DLGAP1: variants seen among roughly 807,000 people sequenced by gnomAD.
The protein encoded by DLGAP1 is DLG associated protein 1.
Under a neutral mutation model 90.8 loss-of-function variants are expected in DLGAP1, and 11 were observed. The observed-to-expected ratio is 0.12, with a 90% CI of 0.08 to 0.20. The LOEUF (loss-of-function observed/expected upper bound fraction) is 0.20, where lower values mean the gene tolerates loss of function less well. DLGAP1 is among the 10% of genes least tolerant of loss of function. The pLI is 1.00. For missense variants in DLGAP1, 1,050 were observed against 1,333.8 expected (o/e 0.79, Z 3.31); for synonymous variants, 558 against 540.7 (o/e 1.03, Z -0.44).
At chr18:3,706,829 C>T (rs996212817) in intron 7 of DLGAP1, among the ~76,000 whole-genome samples, 1 of 151,822 alleles carries the variant, frequency 6.6e-6, no homozygotes, top group Non-Finnish European at 1.5e-5. Flanking sequence ...AGCACACAGC[C>T]CTAAACTAAT....
chr18:3,614,742 G>C (rs907319441), intron 7 of DLGAP1, among the ~76,000 whole-genome samples: 11 of 147,782 alleles, frequency 7.4e-5, no homozygotes, highest in African/African-American at 2.7e-4. Flanking sequence ...TCCCAGTTTC[G>C]GGAGCCTGAG....
chr18:3,971,132 C>G (rs2073440796), intron 3 of DLGAP1, among the ~76,000 whole-genome samples: 1 of 152,212 alleles, frequency 6.6e-6, no homozygotes, highest in Non-Finnish European at 1.5e-5. Flanking sequence ...ACAGCACAAC[C>G]TCAAGGTCGC....
At chr18:4,156,588 A>G (rs960367678) in intron 1 of DLGAP1, among the ~76,000 whole-genome samples, 1 of 152,182 alleles carries the variant, frequency 6.6e-6, no homozygotes, top group Non-Finnish European at 1.5e-5. Flanking sequence ...TCTCCTGATA[A>G]AATGTTGATA....
intron 1 of DLGAP1, among the ~76,000 whole-genome samples, chr18:4,208,414 A>G (rs939495386): frequency 1.3e-5 from 2 of 152,254 alleles, no homozygotes; most frequent in African/African-American, 4.8e-5. Flanking sequence ...TTTTACACAC[A>G]TTAAAACACT....
chr18:4,175,264 G>A (rs1186818872), intron 1 of DLGAP1, among the ~76,000 whole-genome samples: 1 of 152,030 alleles, frequency 6.6e-6, no homozygotes, highest in African/African-American at 2.4e-5. Flanking sequence ...TTTTGATGGG[G>A]TTGTTTTTTT....
chr18:3,897,699 A>G (rs2071660818), intron 3 of DLGAP1, among the ~76,000 whole-genome samples: 1 of 151,832 alleles, frequency 6.6e-6, no homozygotes, highest in Admixed American at 6.6e-5. Flanking sequence ...AAGAGGAAGT[A>G]TAGTAAAATT....
chr18:4,147,791 A>G (rs28655542), intron 2 of DLGAP1, among the ~76,000 whole-genome samples: 40,764 of 152,046 alleles, frequency 0.27, 5,561 homozygotes, highest in East Asian at 0.41. Context: ...CCTACTCACA[A>G]TGGTGATGTT....
intron 1 of DLGAP1, among the ~76,000 whole-genome samples, chr18:4,168,702 A>C (rs2076974341): frequency 6.6e-6 from 1 of 152,216 alleles, no homozygotes. Flanking sequence ...TTCAAGGTTC[A>C]TCCATATTTA....
intron 7 of DLGAP1, among the ~76,000 whole-genome samples, chr18:3,714,337 T>C (rs568183544): frequency 1.3e-5 from 2 of 150,610 alleles, no homozygotes; most frequent in South Asian, 2.2e-4. Flanking sequence ...GAATAGTCCA[T>C]TGTTTCTCAA....
chr18:3,817,521 G>A (rs3862174), intron 4 of DLGAP1, among the ~76,000 whole-genome samples: 115,486 of 151,858 alleles, frequency 0.76, 44,155 homozygotes, highest in African/African-American at 0.83. Flanking sequence ...ACAGTAATCC[G>A]TTCTAGGGAA....
chr18:4,083,101 T>G (rs2075635158), intron 2 of DLGAP1, among the ~76,000 whole-genome samples: 1 of 152,132 alleles, frequency 6.6e-6, no homozygotes, highest in Non-Finnish European at 1.5e-5. Context: ...AAGAGATAAA[T>G]ATACATGTGA....
chr18:3,729,114 G>A lies in DLGAP1; in HGVS notation c.1591+21C>T. ...CATAGCCAGCACAGGGGCCAGGCTG[G>A]CTGAGGGCCCGCGCACTCACCCGTG... On this transcript the variant is annotated intron_variant, in intron 7 of 12. Transcript: ENST00000315677. The surrounding 1 kb of genome is among the most constrained non-coding windows in gnomAD (Gnocchi z 6.2). The A allele has an allele frequency of 6.3e-7, 1 of 1,586,722 alleles. No individual in the cohort carries two copies. Among genetic ancestry groups the A allele is most frequent in the Non-Finnish European group, 8.6e-7 (1 of 1,164,600 alleles).
chr18:3,656,488 T>C (rs1791398), intron 7 of DLGAP1, among the ~76,000 whole-genome samples: 34,056 of 152,094 alleles, frequency 0.22, 4,011 homozygotes, highest in African/African-American at 0.27. Flanking sequence ...TTTGATACTG[T>C]ATCTAGAGAT....
intron 1 of DLGAP1, among the ~76,000 whole-genome samples, chr18:4,196,892 G>T (rs2077507993): frequency 6.6e-6 from 1 of 152,036 alleles, no homozygotes; most frequent in Non-Finnish European, 1.5e-5. Flanking sequence ...AATAAAAGAG[G>T]CTGGGTGGAG....
At chr18:4,374,422 C>T (rs931690374) in intron 1 of DLGAP1, among the ~76,000 whole-genome samples, 5 of 151,876 alleles carry the variant, frequency 3.3e-5, no homozygotes, top group Non-Finnish European at 7.4e-5. Context: ...TAGAGCTACC[C>T]AGAGATGAAT....
chr18:3,647,488 C>A (rs924755020), intron 7 of DLGAP1, among the ~76,000 whole-genome samples: 15 of 149,018 alleles, frequency 1.0e-4, no homozygotes, highest in Admixed American at 9.4e-4. Context: ...TTTTTTTAAA[C>A]CGAGACTTGC....
intron 11 of DLGAP1, among the ~76,000 whole-genome samples, chr18:3,504,321 A>AT (rs1164239151): frequency 2.0e-5 from 3 of 152,172 alleles, no homozygotes; most frequent in African/African-American, 7.2e-5. Context: ...TTTAAAACTT[A>AT]TTTTTTAAAT....
intron 7 of DLGAP1, among the ~76,000 whole-genome samples, chr18:3,680,485 C>T (rs2060472171): frequency 6.6e-6 from 1 of 152,170 alleles, no homozygotes; most frequent in Admixed American, 6.5e-5. Context: ...ACCCTCAATG[C>T]TTAGCCATTG....
intron 1 of DLGAP1, among the ~76,000 whole-genome samples, chr18:4,199,577 C>T (rs1479606901): frequency 6.6e-6 from 1 of 152,168 alleles, no homozygotes; most frequent in African/African-American, 2.4e-5. Context: ...GGAAACTGTT[C>T]TCCCATTTAC....
Sources: allele counts gnomAD v4.1 joint callset (sites outside exome capture counted in the v4.1 genomes callset), GRCh38; gene constraint gnomAD v4.1.1; non-coding constraint Gnocchi (gnomAD v3.1); transcripts MANE v1.5; gene names NCBI Gene and HGNC (gene_info 2026-07-23, HGNC 2026-07-21).